Variants in PPP4R3B observed in about 807,000 individuals in gnomAD.
The protein encoded by PPP4R3B is protein phosphatase 4 regulatory subunit 3B.
PPP4R3B carries 52 observed loss-of-function variants against 95.4 expected under a neutral mutation model. The ratio of observed to expected loss-of-function variants is 0.54; its 90% CI spans 0.44 to 0.69. The LOEUF (loss-of-function observed/expected upper bound fraction) is 0.69. Among genes scored for constraint, PPP4R3B ranks in the 30% least tolerant of loss-of-function variants. PPP4R3B has a pLI of 0.00. For synonymous variants in PPP4R3B, 407 were observed against 343.9 expected (o/e 1.18, Z -2.03); for missense variants, 1,003 against 1,005.9 (o/e 1.00, Z 0.04).
chr2:55,603,011 G>A (rs191184363), intron 3 of PPP4R3B, among the ~76,000 whole-genome samples: 1 of 150,882 alleles, frequency 6.6e-6, no homozygotes, highest in African/African-American at 2.4e-5. Flanking sequence ...CTGGAGTGTA[G>A]TGGCATTATC....
At chr2:55,579,057 G>T (rs1051191274) in intron 9 of PPP4R3B, among the ~76,000 whole-genome samples, 2 of 151,938 alleles carry the variant, frequency 1.3e-5, no homozygotes, top group Non-Finnish European at 2.9e-5. Flanking sequence ...ATTACCTAGA[G>T]GGATATACTA....
chr2:55,588,939 C>T lies in PPP4R3B; in HGVS notation c.939G>A (p.Leu313=), dbSNP rs1238119034. ...VSMLQEDEKF[L]SEVFAQLTDE... is the part of the protein sequence containing the mutation. ...CTGTTAATTGTGCAAAAACTTCAGA[C>T]AAAAACTTCTCATCTTCCTGCATGA... Residue 313 remains leucine, a synonymous_variant, in exon 5 of 17, where the codon TTG becomes TTA. Coordinates refer to ENST00000616407, the MANE Select transcript of PPP4R3B (RefSeq NM_001122964.3). The T allele has an allele frequency of 6.2e-7, 1 of 1,606,100 alleles. No individual in the cohort carries two copies. The highest frequency in any genetic ancestry group is 8.5e-7 in the Non-Finnish European group (1 of 1,174,556).
At chr2:55,558,360 TTC>T (rs72513518) in intron 16 of PPP4R3B, among the ~76,000 whole-genome samples, 33,088 of 151,984 alleles carry the variant, frequency 0.22, 3,677 homozygotes, top group East Asian at 0.29. Flanking sequence ...TAAAATGAAA[TTC>T]TCTTTGAGAG....
intron 13 of PPP4R3B, 77 bp downstream of exon 13, chr2:55,568,117 C>CT (rs1687539066): frequency 4.9e-6 from 5 of 1,021,032 alleles, no homozygotes; most frequent in African/African-American, 1.7e-5. Context: ...AGTCACTTTG[C>CT]TTACATGTAA....
Position 55,573,677 on chromosome 2 carries a change from C to G in PPP4R3B, c.1707G>C (p.Lys569Asn). Residue 569 changes from lysine (K) to asparagine (N), a missense_variant, in exon 12 of 17, where the codon AAG (lysine) becomes AAC (asparagine). This residue lies in a region of PPP4R3B where 695 missense variants were observed against 686.2 expected (regional missense o/e 1.01). Coordinates refer to ENST00000616407, the MANE Select transcript of PPP4R3B (RefSeq NM_001122964.3). ...TYHIKNYIMN[K>N]DLLRRVLVLM... ...AGACCAAGACTCTTCTTAGCAAGTC[C>G]TTGTTCATAATATAGTTTTTTATGT... 2 of 1,545,678 alleles carry G rather than the reference C, an allele frequency of 1.3e-6. No individual in the cohort carries two copies. Among genetic ancestry groups the G allele is most frequent in the Non-Finnish European group, 1.7e-6 (2 of 1,145,268 alleles).
intron 16 of PPP4R3B, among the ~76,000 whole-genome samples, chr2:55,557,871 A>G (rs1008108259): frequency 5.9e-5 from 9 of 152,150 alleles, no homozygotes; most frequent in Non-Finnish European, 1.3e-4. Flanking sequence ...TAAAATTTAA[A>G]CTTGTTTATA....
intron 12 of PPP4R3B, among the ~76,000 whole-genome samples, chr2:55,569,848 C>G (rs13027853): frequency 1.3e-5 from 2 of 151,954 alleles, no homozygotes; most frequent in East Asian, 3.9e-4. Flanking sequence ...TCTCTGCACA[C>G]GGGGAGAAAA....
intron 12 of PPP4R3B, among the ~76,000 whole-genome samples, chr2:55,572,777 G>A (rs921825513): frequency 6.6e-5 from 10 of 152,182 alleles, no homozygotes; most frequent in Non-Finnish European, 7.4e-5. Context: ...ACAGTGAGAT[G>A]TGGAGTGGCA....
intron 14 of PPP4R3B, 50 bp from the exon 15 acceptor site, chr2:55,564,547 C>A (rs1248792078): frequency 6.1e-6 from 9 of 1,475,578 alleles, no homozygotes; most frequent in Non-Finnish European, 8.2e-6. Context: ...AGTTCATCAT[C>A]AGATTGAACT....
At chr2:55,589,986 A>G (rs1304428488) in intron 4 of PPP4R3B, among the ~76,000 whole-genome samples, 1 of 145,106 alleles carries the variant, frequency 6.9e-6, no homozygotes, top group Non-Finnish European at 1.5e-5. Flanking sequence ...TATATTTAAT[A>G]TATTATATAT....
chr2:55,597,934 T>A (rs1407611947), intron 4 of PPP4R3B, among the ~76,000 whole-genome samples: 3 of 152,164 alleles, frequency 2.0e-5, no homozygotes, highest in Non-Finnish European at 4.4e-5. Flanking sequence ...TATAAAAGGC[T>A]GGGCTGGGCG....
chr2:55,553,651 T>C (rs1006159581), intron 16 of PPP4R3B, among the ~76,000 whole-genome samples: 1 of 152,076 alleles, frequency 6.6e-6, no homozygotes, highest in African/African-American at 2.4e-5. Context: ...CTAACCTACT[T>C]TGTTTCTGCG....
chr2:55,590,711 G>C (rs143834378), intron 4 of PPP4R3B, among the ~76,000 whole-genome samples: 5 of 152,246 alleles, frequency 3.3e-5, no homozygotes, highest in East Asian at 1.9e-4. Flanking sequence ...AAAAAAGTTT[G>C]TAACAATAGT....
chr2:55,579,765 T>G lies in PPP4R3B; in HGVS notation c.1382A>C (p.Glu461Ala), dbSNP rs956265639. ...LATTNKTEKS[E>A]FLNFFYNHCM... ...ATGGTTGTAGAAAAAATTTAGAAAT[T>G]CACTTTTTTCGGTTTTCTGAAACAT... The change falls in exon 9 of 17, where the codon GAA becomes GCA. Residue 461 changes from glutamate to alanine, a missense_variant. This residue lies in a region of PPP4R3B where 695 missense variants were observed against 686.2 expected (regional missense o/e 1.01). Coordinates refer to ENST00000616407, the MANE Select transcript of PPP4R3B (RefSeq NM_001122964.3). 2.1e-5 allele frequency: 33 copies of G among 1,603,506 alleles called. No homozygotes were observed. The highest frequency in any genetic ancestry group is 2.8e-5 in the Non-Finnish European group (33 of 1,176,356).
Position 55,573,723 on chromosome 2 carries a change from C to T in PPP4R3B, c.1661G>A (p.Cys554Tyr), listed in dbSNP as rs1006605817. The T allele has an allele frequency of 6.5e-7, 1 of 1,542,560 alleles. No individual in the cohort carries two copies. The highest frequency in any genetic ancestry group is 8.7e-7 in the Non-Finnish European group (1 of 1,144,392). The change falls in exon 12 of 17, where the codon TGT (cysteine) becomes TAT (tyrosine). Residue 554 changes from cysteine to tyrosine, a missense_variant. Coordinates refer to ENST00000616407, the MANE Select transcript of PPP4R3B (RefSeq NM_001122964.3). ...TATGTGATATGTGTGATGTTCCACA[C>T]AAAATGTGAGTAACTCTAAAATTAA... is the stretch of plus-strand genomic sequence containing the variant. Reference protein sequence around the residue: ...LALILELLTFCVEHHTYHIKN... With the variant: ...LALILELLTFYVEHHTYHIKN...
chr2:55,605,664 T>C (rs1196113424), intron 2 of PPP4R3B, among the ~76,000 whole-genome samples: 1 of 152,038 alleles, frequency 6.6e-6, no homozygotes, highest in Non-Finnish European at 1.5e-5. Flanking sequence ...TCCCAACACT[T>C]TGGGAGGCCA....
At chr2:55,581,510 C>T in intron 8 of PPP4R3B, 57 bp downstream of exon 8, 3 of 1,532,796 alleles carry the variant, frequency 2.0e-6, no homozygotes, top group Non-Finnish European at 2.6e-6. Context: ...AATCTTATTA[C>T]AAAGCCACCT....
At position 55,549,813 on chromosome 2, in the gene PPP4R3B, A is replaced by G. The variant is rs1340963618; in HGVS notation, c.*98T>C. 1.1e-5 allele frequency: 10 copies of G among 904,190 alleles called. No homozygotes were observed. Among genetic ancestry groups the G allele is most frequent in the Admixed American group, 1.9e-5 (1 of 51,920 alleles). 56.0% of individuals were successfully genotyped at this position (904,190 alleles called of 1,614,324 possible). On this transcript the variant is annotated 3_prime_UTR_variant, in exon 17 of 17. Transcript: ENST00000616407. ...TCTTTTGCTACTCCTTGTATATTTT[A>G]TAAGTTCAATTGAGAAAGCTTTCTG...
intron 16 of PPP4R3B, among the ~76,000 whole-genome samples, chr2:55,551,808 C>T (rs1369450999): frequency 6.6e-6 from 1 of 151,824 alleles, no homozygotes; most frequent in African/African-American, 2.4e-5. Flanking sequence ...CACTTCAGCA[C>T]AGTGCTTCGT....
Sources: allele counts gnomAD v4.1 joint callset (sites outside exome capture counted in the v4.1 genomes callset), GRCh38; gene constraint gnomAD v4.1.1; regional missense constraint gnomAD v4.1.1; transcripts MANE v1.5; gene names NCBI Gene and HGNC (gene_info 2026-07-23, HGNC 2026-07-21).